Variants in FGF14 observed in about 807,000 individuals in gnomAD.
The protein encoded by FGF14 is fibroblast growth factor homologous factor 4.
In FGF14, 5 loss-of-function variants were observed where a neutral mutation model predicts 25.5. The ratio of observed to expected loss-of-function variants is 0.20; its 90% CI spans 0.10 to 0.41. FGF14 has a LOEUF of 0.41. FGF14 is among the 10% of genes least tolerant of loss of function. The probability of loss-of-function intolerance (pLI) is 1.00; values close to 1 mark genes in which losing one functional copy is unlikely to be tolerated. For synonymous variants in FGF14, 138 were observed against 118.3 expected (o/e 1.17, Z -1.08); for missense variants, 222 against 320.1 (o/e 0.69, Z 2.34).
chr13:102,165,779 G>A (rs2140636832), intron 1 of FGF14, among the ~76,000 whole-genome samples: 1 of 150,564 alleles, frequency 6.6e-6, no homozygotes, highest in Admixed American at 6.6e-5. Context: ...CCTACACGTT[G>A]TGCACATGTA....
chr13:101,995,831 G>A (rs907315203), intron 1 of FGF14, among the ~76,000 whole-genome samples: 1 of 152,136 alleles, frequency 6.6e-6, no homozygotes, highest in Admixed American at 6.5e-5. Flanking sequence ...ATGACATAGA[G>A]GGTAGAAGAA....
intron 1 of FGF14, among the ~76,000 whole-genome samples, chr13:102,226,340 T>C (rs2050823719): frequency 1.3e-5 from 2 of 152,190 alleles, no homozygotes; most frequent in Admixed American, 1.3e-4. Flanking sequence ...TTCTAGCTAA[T>C]AGACCAGGAA....
intron 1 of FGF14, among the ~76,000 whole-genome samples, chr13:101,879,255 T>C (rs1653405408): frequency 6.6e-6 from 1 of 152,172 alleles, no homozygotes; most frequent in Non-Finnish European, 1.5e-5. Context: ...ATAATTTTAC[T>C]AAAAACGTTT....
intron 3 of FGF14, among the ~76,000 whole-genome samples, chr13:101,788,895 TATATATATATATATAGAGAGAGAG>T (rs1445799834): frequency 2.0e-5 from 1 of 48,996 alleles, no homozygotes; most frequent in African/African-American, 6.0e-5. Flanking sequence ...TATATATATA[TATATATATATATATAGAGAGAGAG>T]AGAGAGAGAG....
intron 3 of FGF14, among the ~76,000 whole-genome samples, chr13:101,794,197 CT>C (rs35700524): frequency 0.45 from 68,938 of 151,782 alleles, 17,481 homozygotes; most frequent in Middle Eastern, 0.58. Context: ...CTCTCTCCCC[CT>C]GGTTCTCTTT....
At chr13:102,162,872 C>T (rs1369464554) in intron 1 of FGF14, among the ~76,000 whole-genome samples, 1 of 152,060 alleles carries the variant, frequency 6.6e-6, no homozygotes, top group Non-Finnish European at 1.5e-5. Flanking sequence ...AGTCTGGTAG[C>T]TCTTTCTCTG....
chr13:101,765,379 A>G (rs768157516), intron 3 of FGF14, among the ~76,000 whole-genome samples: 89 of 152,124 alleles, frequency 5.9e-4, no homozygotes, highest in Non-Finnish European at 1.1e-3. Flanking sequence ...CCAGCCTCTA[A>G]ATGGCATTAC....
At chr13:102,219,542 T>C (rs1250856580) in intron 1 of FGF14, among the ~76,000 whole-genome samples, 1 of 152,246 alleles carries the variant, frequency 6.6e-6, no homozygotes, top group African/African-American at 2.4e-5. Context: ...CTTCCAACCA[T>C]GAAAGAAAAA....
rs150207894 is a variant in FGF14 at position 102,060,319 on chromosome 13, A to G, written c.209-185023T>C. Among the ~76,000 whole-genome samples the G allele has an allele frequency of 5.3e-3, 799 of 152,100 alleles. 5 individuals are homozygous for G. The highest frequency in any genetic ancestry group is 0.018 in the African/African-American group (763 of 41,502). On this transcript the variant is annotated intron_variant, in intron 1 of 4. Transcript: ENST00000376131. The stretch of plus-strand genomic sequence containing the variant: ...GGCCGGGGGATCATGAGGTCAAGAG[A>G]TCGAGACCATCCTGGCTAACACAGT...
intron 3 of FGF14, among the ~76,000 whole-genome samples, chr13:101,866,915 C>A (rs759489777): frequency 6.6e-5 from 10 of 151,994 alleles, no homozygotes; most frequent in Non-Finnish European, 1.5e-4. Context: ...GGGTTCAGAA[C>A]AAAGAGTCAA....
chr13:101,907,591 G>T (rs2032404441), intron 1 of FGF14, among the ~76,000 whole-genome samples: 1 of 152,138 alleles, frequency 6.6e-6, no homozygotes, highest in Non-Finnish European at 1.5e-5. Flanking sequence ...CACCTGTTTA[G>T]AAAGGGTCCA....
intron 3 of FGF14, among the ~76,000 whole-genome samples, chr13:101,865,542 T>C (rs563853115): frequency 1.3e-5 from 2 of 152,138 alleles, no homozygotes; most frequent in East Asian, 3.9e-4. Context: ...TATCATCATA[T>C]TGAAGAAAAG....
intron 1 of FGF14, among the ~76,000 whole-genome samples, chr13:101,940,313 AG>A (rs2035364564): frequency 6.6e-6 from 1 of 152,208 alleles, no homozygotes; most frequent in Non-Finnish European, 1.5e-5. Context: ...AGTATGCAAG[AG>A]GTGGCGGTCA....
chr13:102,010,192 A>G (rs1313813563), intron 1 of FGF14, among the ~76,000 whole-genome samples: 1 of 152,206 alleles, frequency 6.6e-6, no homozygotes, highest in Non-Finnish European at 1.5e-5. Context: ...ACTTTAGTTT[A>G]GAAACAGAAC....
chr13:102,174,447 T>C (rs2048365975), intron 1 of FGF14, among the ~76,000 whole-genome samples: 2 of 151,910 alleles, frequency 1.3e-5, no homozygotes, highest in Admixed American at 6.6e-5. Flanking sequence ...ATTACAGGAA[T>C]GAGCCACCGT....
intron 1 of FGF14, among the ~76,000 whole-genome samples, chr13:101,929,515 C>G (rs1453205846): frequency 1.3e-5 from 2 of 152,118 alleles, no homozygotes; most frequent in East Asian, 1.9e-4. Context: ...GTAGAACCAG[C>G]TGAGGTAATA....
At chr13:102,181,873 G>T (rs1005161909) in intron 1 of FGF14, among the ~76,000 whole-genome samples, 2 of 152,060 alleles carry the variant, frequency 1.3e-5, no homozygotes, top group Admixed American at 6.6e-5. Flanking sequence ...CCATTATTCT[G>T]CCAACTGCAT....
chr13:102,002,899 C>G (rs2039576501), intron 1 of FGF14: 1 of 152,132 alleles, frequency 6.6e-6, no homozygotes, highest in Non-Finnish European at 1.5e-5. Flanking sequence ...TGGGTAATAT[C>G]AAGTTGACTT....
chr13:101,872,077 C>G (rs1446597152), intron 2 of FGF14, among the ~76,000 whole-genome samples: 1 of 151,678 alleles, frequency 6.6e-6, no homozygotes, highest in East Asian at 2.0e-4. Context: ...TCTAAATATC[C>G]ATATTTAGTG....
Sources: allele counts gnomAD v4.1 joint callset (sites outside exome capture counted in the v4.1 genomes callset), GRCh38; gene constraint gnomAD v4.1.1; transcripts MANE v1.5; gene names NCBI Gene and HGNC (gene_info 2026-07-23, HGNC 2026-07-21).